MTMR3: variants seen among roughly 807,000 people sequenced by gnomAD.
MTMR3 encodes the protein phosphatidylinositol-3,5-bisphosphate 3-phosphatase MTMR3.
Under a neutral mutation model 132.4 loss-of-function variants are expected in MTMR3, and 32 were observed. The ratio of observed to expected loss-of-function variants is 0.24; its 90% CI spans 0.18 to 0.32. MTMR3 has a LOEUF of 0.32. Ranked by LOEUF, MTMR3 falls within the 10% of genes least tolerant of loss-of-function variation. MTMR3 has a pLI of 1.00. For synonymous variants in MTMR3, 556 were observed against 550.3 expected, an observed-to-expected ratio of 1.01 and a Z score of -0.14; for missense variants, 1,216 against 1,489.6, an observed-to-expected ratio of 0.82 and a Z score of 3.02.
chr22:29,904,311 A>G (rs1215359691), intron 1 of MTMR3, among the ~76,000 whole-genome samples: 1 of 152,232 alleles, frequency 6.6e-6, no homozygotes, highest in Admixed American at 6.5e-5. Flanking sequence ...CAAGTAAGTA[A>G]ATTGTGTTTC....
intron 1 of MTMR3, among the ~76,000 whole-genome samples, chr22:29,906,280 CTGTCTGT>C (rs2065098239): frequency 1.5e-5 from 1 of 67,716 alleles, no homozygotes; most frequent in Admixed American, 1.4e-4. Context: ...GTCTGTCTGT[CTGTCTGT>C]CTATCTATCT....
At chr22:29,929,843 A>T (rs1238523416) in intron 1 of MTMR3, among the ~76,000 whole-genome samples, 1 of 151,954 alleles carries the variant, frequency 6.6e-6, no homozygotes, top group Non-Finnish European at 1.5e-5. Context: ...GAAATGCTCA[A>T]CTCTTTTTAG....
intron 19 of MTMR3, chr22:30,023,363 G>A (rs2067816472): frequency 1.6e-6 from 2 of 1,253,116 alleles, no homozygotes; most frequent in African/African-American, 2.9e-5. Context: ...GCCTAGTAAT[G>A]ATGCTTCTAG....
chr22:29,962,897 TTC>T (rs1229582957), intron 2 of MTMR3, among the ~76,000 whole-genome samples: 1 of 150,438 alleles, frequency 6.6e-6, no homozygotes. Context: ...CTTCATTCCT[TTC>T]TCTCTTTTTT....
At chr22:30,002,837 C>T in intron 8 of MTMR3, 43 bp from the exon 9 acceptor site, 1 of 1,476,384 alleles carries the variant, frequency 6.8e-7, no homozygotes. Flanking sequence ...CTCTCTCCCT[C>T]TCTTATCCCC....
intron 9 of MTMR3, chr22:30,005,765 C>G (rs1053024827): frequency 1.3e-5 from 2 of 152,146 alleles, no homozygotes; most frequent in Admixed American, 6.5e-5. Context: ...AATTACAGTA[C>G]ATTTTCATCG....
At chr22:29,920,870 T>A (rs1874347563) in intron 1 of MTMR3, among the ~76,000 whole-genome samples, 1 of 151,998 alleles carries the variant, frequency 6.6e-6, no homozygotes, top group Non-Finnish European at 1.5e-5. Flanking sequence ...AATGGTTATT[T>A]AATTTCTTCA....
chr22:29,955,169 A>G (rs1442686072), intron 1 of MTMR3, among the ~76,000 whole-genome samples: 1 of 152,104 alleles, frequency 6.6e-6, no homozygotes, highest in Non-Finnish European at 1.5e-5. Context: ...AAATTTTTAT[A>G]GAGATGAGGT....
chr22:29,994,003 G>C (rs2067013273), intron 7 of MTMR3: 1 of 490,890 alleles, frequency 2.0e-6, no homozygotes. Flanking sequence ...CTGTGCTTTA[G>C]TTTCCTTTGT....
Position 30,030,448 on chromosome 22 carries a change from G to A in MTMR3, c.*4647G>A, listed in dbSNP as rs751842724. The A allele has an allele frequency of 6.6e-6, 1 of 152,092 alleles. No homozygotes were observed. The highest frequency in any genetic ancestry group is 1.5e-5 in the Non-Finnish European group (1 of 67,996). 9.4% of individuals were successfully genotyped at this position (152,092 alleles called of 1,614,324 possible). ...AGTGCTTGCCTATTGTAACAGCATT[G>A]GTTCTGCTGTAGCCTCGGTGACCAT... On this transcript the variant is annotated 3_prime_UTR_variant, in exon 20 of 20. Transcript: ENST00000401950.
intron 15 of MTMR3, 121 bp from the exon 16 acceptor site, chr22:30,017,806 G>A (rs368122646): frequency 4.0e-6 from 5 of 1,256,470 alleles, no homozygotes; most frequent in African/African-American, 3.0e-5. Context: ...CTGCTTCTTT[G>A]TGGAGATCCT....
At chr22:29,907,291 A>C (rs1007617774) in intron 1 of MTMR3, among the ~76,000 whole-genome samples, 1 of 151,580 alleles carries the variant, frequency 6.6e-6, no homozygotes, top group Non-Finnish European at 1.5e-5. Context: ...AGTCCCAGCT[A>C]CTTGGGAGGC....
At chr22:29,996,193 T>C (rs1053530892) in intron 7 of MTMR3, 8 of 152,222 alleles carry the variant, frequency 5.3e-5, no homozygotes, top group African/African-American at 9.6e-5. Flanking sequence ...ATAATTCTTA[T>C]TGTGGGTTGT....
At chr22:29,930,973 C>T (rs539916770) in intron 1 of MTMR3, among the ~76,000 whole-genome samples, 1 of 149,844 alleles carries the variant, frequency 6.7e-6, no homozygotes, top group Non-Finnish European at 1.5e-5. Context: ...CACCACTGCA[C>T]TCCAGCCTGG....
At chr22:29,889,243 A>G (rs145551919) in intron 1 of MTMR3, among the ~76,000 whole-genome samples, 12 of 149,074 alleles carry the variant, frequency 8.0e-5, no homozygotes, top group African/African-American at 2.7e-4. Context: ...CTTATTTTAA[A>G]TTTCAAAATG....
At chr22:29,989,104 T>TA (rs2066911520) in intron 6 of MTMR3, 1 of 152,316 alleles carries the variant, frequency 6.6e-6, no homozygotes, top group Non-Finnish European at 1.5e-5. Context: ...GACCTATTGA[T>TA]ACTTTTTTAT....
intron 1 of MTMR3, among the ~76,000 whole-genome samples, chr22:29,928,786 A>G (rs2065579637): frequency 6.6e-6 from 1 of 152,076 alleles, no homozygotes; most frequent in Non-Finnish European, 1.5e-5. Context: ...AAGTGCTAGG[A>G]TTACAGGTGT....
intron 7 of MTMR3, chr22:29,992,360 C>T (rs999254450): frequency 3.3e-5 from 5 of 152,240 alleles, no homozygotes; most frequent in African/African-American, 9.7e-5. Flanking sequence ...AGCCACAGCT[C>T]CTGGCCTAGA....
At chr22:29,923,154 G>A (rs2065451628) in intron 1 of MTMR3, among the ~76,000 whole-genome samples, 1 of 150,710 alleles carries the variant, frequency 6.6e-6, no homozygotes, top group South Asian at 2.1e-4. Flanking sequence ...CCATTCTCCT[G>A]CCTCAGCCTC....
Sources: gnomAD v4.1 joint callset for allele counts (sites outside exome capture counted in the v4.1 genomes callset) on GRCh38, gnomAD v4.1.1 for gene constraint, MANE v1.5 for transcripts, NCBI Gene and HGNC (gene_info 2026-07-23, HGNC 2026-07-21) for gene names.